LRMDA: variants seen among roughly 807,000 people sequenced by gnomAD.
LRMDA encodes the protein leucine rich melanocyte differentiation associated, also known as leucine-rich melanocyte differentiation-associated protein.
A neutral mutation model predicts 29.8 loss-of-function variants in LRMDA; 18 were observed. That is an observed-to-expected ratio of 0.60 (90% CI 0.42 to 0.90). LRMDA has a LOEUF of 0.90. Ranked by LOEUF, LRMDA falls within the 40% of genes least tolerant of loss-of-function variation. The probability of loss-of-function intolerance (pLI) is 0.00; values close to 1 mark genes in which losing one functional copy is unlikely to be tolerated. For missense variants in LRMDA, 273 were observed against 273.9 expected (o/e 1.00, Z 0.02); for synonymous variants, 125 against 109.4 (o/e 1.14, Z -0.89).
chr10:75,939,488 T>C (rs1449752446), intron 2 of LRMDA, among the ~76,000 whole-genome samples: 1 of 152,186 alleles, frequency 6.6e-6, no homozygotes, highest in Non-Finnish European at 1.5e-5. Context: ...TTCCTGTTCA[T>C]TTTTAATGTG....
At chr10:76,123,144 A>T (rs1227126789) in intron 5 of LRMDA, among the ~76,000 whole-genome samples, 1 of 151,986 alleles carries the variant, frequency 6.6e-6, no homozygotes, top group East Asian at 1.9e-4. Flanking sequence ...CAGACTTGGG[A>T]TCCACGTGGT....
Position 75,812,443 on chromosome 10 carries a change from T to C in LRMDA, c.132-223565T>C, listed in dbSNP as rs567496588. On this transcript the variant is annotated intron_variant, in intron 2 of 6. Transcript: ENST00000611255. ...ATATATATATTTAGAGATTTCTTTCTGCTCTTTCGACCATAAGTGGGAAAT... is the reference window on the plus strand; with the variant it reads ...ATATATATATTTAGAGATTTCTTTCCGCTCTTTCGACCATAAGTGGGAAAT... 4.6e-5 allele frequency among the ~76,000 whole-genome samples: 7 copies of C among 152,330 alleles called. No individual in the cohort carries two copies. In the South Asian group the frequency reaches 1.5e-3, roughly 32 times the overall value.
chr10:75,682,007 C>G (rs1299086406), intron 2 of LRMDA, among the ~76,000 whole-genome samples: 1 of 152,214 alleles, frequency 6.6e-6, no homozygotes, highest in African/African-American at 2.4e-5. Flanking sequence ...CACCACCTTC[C>G]TTTAGGCGGG....
intron 5 of LRMDA, among the ~76,000 whole-genome samples, chr10:76,222,142 A>C (rs537128070): frequency 6.6e-6 from 1 of 151,596 alleles, no homozygotes; most frequent in East Asian, 1.9e-4. Flanking sequence ...AGACTTAAAC[A>C]TTAGACCTAA....
chr10:76,115,685 G>A (rs1428398056), intron 5 of LRMDA, among the ~76,000 whole-genome samples: 1 of 152,180 alleles, frequency 6.6e-6, no homozygotes, highest in East Asian at 1.9e-4. Context: ...GACAGAGATG[G>A]TAACAGTATC....
intron 6 of LRMDA, among the ~76,000 whole-genome samples, chr10:76,414,655 A>G (rs1184045846): frequency 6.6e-6 from 1 of 152,216 alleles, no homozygotes; most frequent in Non-Finnish European, 1.5e-5. Flanking sequence ...ACAGAGAAAA[A>G]TGGAAGAACT....
At chr10:75,855,777 A>C (rs1844814820) in intron 2 of LRMDA, among the ~76,000 whole-genome samples, 1 of 152,306 alleles carries the variant, frequency 6.6e-6, no homozygotes, top group East Asian at 1.9e-4. Flanking sequence ...TCAGCTTTCT[A>C]CATATGGCTA....
intron 6 of LRMDA, among the ~76,000 whole-genome samples, chr10:76,466,286 T>C (rs1164252975): frequency 6.6e-6 from 1 of 152,066 alleles, no homozygotes; most frequent in East Asian, 1.9e-4. Flanking sequence ...CTGGCAAGTA[T>C]GAGGGGTAGA....
chr10:75,751,364 A>AG (rs1226733600), intron 2 of LRMDA, among the ~76,000 whole-genome samples: 1 of 147,298 alleles, frequency 6.8e-6, no homozygotes, highest in Non-Finnish European at 1.5e-5. Flanking sequence ...GGGGAGAGGG[A>AG]GGGGGAGTGG....
At chr10:75,533,801 T>C (rs2132044659) in intron 2 of LRMDA, among the ~76,000 whole-genome samples, 1 of 152,250 alleles carries the variant, frequency 6.6e-6, no homozygotes, top group East Asian at 1.9e-4. Context: ...GTCAACGATA[T>C]TCCACAGAGT....
intron 2 of LRMDA, among the ~76,000 whole-genome samples, chr10:75,995,473 AC>A (rs1409342755): frequency 6.6e-6 from 1 of 152,022 alleles, no homozygotes; most frequent in Non-Finnish European, 1.5e-5. Flanking sequence ...GCACATTACT[AC>A]CCCTAGGTGG....
intron 2 of LRMDA, among the ~76,000 whole-genome samples, chr10:75,773,015 C>A (rs1442694423): frequency 2.0e-5 from 3 of 152,148 alleles, no homozygotes; most frequent in Admixed American, 2.0e-4. Context: ...AGCTCTCCAT[C>A]TTGTTAAAAT....
At chr10:75,855,882 C>T (rs186657643) in intron 2 of LRMDA, among the ~76,000 whole-genome samples, 6 of 152,198 alleles carry the variant, frequency 3.9e-5, no homozygotes, top group South Asian at 2.1e-4. Context: ...TGTAGATATG[C>T]GGCATTATTT....
At chr10:75,692,543 A>G (rs1842182057) in intron 2 of LRMDA, among the ~76,000 whole-genome samples, 1 of 146,674 alleles carries the variant, frequency 6.8e-6, no homozygotes, top group Admixed American at 7.0e-5. Context: ...GTATACATAT[A>G]TACACATATA....
intron 2 of LRMDA, among the ~76,000 whole-genome samples, chr10:75,924,838 T>C (rs1263100272): frequency 1.3e-5 from 2 of 152,190 alleles, no homozygotes; most frequent in Non-Finnish European, 2.9e-5. Flanking sequence ...TGTTCTTTCC[T>C]ATTATATTTT....
At chr10:75,776,248 G>A (rs375181875) in intron 2 of LRMDA, among the ~76,000 whole-genome samples, 12 of 152,102 alleles carry the variant, frequency 7.9e-5, no homozygotes, top group Non-Finnish European at 1.5e-4. Context: ...TTTTTCTCTC[G>A]AGAACTTGAG....
intron 5 of LRMDA, among the ~76,000 whole-genome samples, chr10:76,182,852 C>T (rs182148656): frequency 6.6e-6 from 1 of 152,194 alleles, no homozygotes; most frequent in African/African-American, 2.4e-5. Context: ...AGGAGAGGAG[C>T]TAAGGGGTGA....
chr10:76,111,816 G>T (rs1440868699), intron 5 of LRMDA, among the ~76,000 whole-genome samples: 1 of 152,068 alleles, frequency 6.6e-6, no homozygotes, highest in Non-Finnish European at 1.5e-5. Context: ...GGGTGGGGGG[G>T]GGCGCATGGT....
intron 5 of LRMDA, among the ~76,000 whole-genome samples, chr10:76,311,037 T>C (rs7912194): frequency 0.15 from 23,026 of 152,136 alleles, 3,033 homozygotes; most frequent in African/African-American, 0.35. Flanking sequence ...CATTTTTTTT[T>C]CAACCCCTGG....
Sources: allele counts gnomAD v4.1 joint callset (sites outside exome capture counted in the v4.1 genomes callset), GRCh38; gene constraint gnomAD v4.1.1; transcripts MANE v1.5; gene names NCBI Gene and HGNC (gene_info 2026-07-23, HGNC 2026-07-21).